The following AP2B1 variants were observed in gnomAD, a reference collection of about 807,000 sequenced individuals.
The protein encoded by AP2B1 is AP-2 complex subunit beta.
AP2B1 carries 23 observed loss-of-function variants against 102.0 expected under a neutral mutation model. The observed-to-expected ratio is 0.23, with a 90% CI of 0.16 to 0.32. AP2B1 has a LOEUF of 0.32. Ranked by LOEUF, AP2B1 falls within the 10% of genes least tolerant of loss-of-function variation. AP2B1 has a pLI of 1.00. For missense variants in AP2B1, 541 were observed against 1,157.4 expected (o/e 0.47, Z 7.73); for synonymous variants, 381 against 421.2 (o/e 0.90, Z 1.17).
intron 14 of AP2B1, among the ~76,000 whole-genome samples, chr17:35,661,876 C>T (rs1199772639): frequency 6.6e-6 from 1 of 152,160 alleles, no homozygotes; most frequent in African/African-American, 2.4e-5. Context: ...GTGACCTTTT[C>T]TTATTAGGTT....
At position 35,608,138 on chromosome 17, in the gene AP2B1, G is replaced by T. The variant is rs763923220; in HGVS notation, c.280-4G>T. The T allele has an allele frequency of 1.2e-5, 19 of 1,612,594 alleles. No homozygotes were observed. The Admixed American group carries it at 2.8e-4, about 24-fold the overall frequency. ...CTACAGTTGTTGGTGATTGTTTTCTGCAGGACTGTGAAGATCCTAATCCTT... is the reference window on the plus strand; with the variant it reads ...CTACAGTTGTTGGTGATTGTTTTCTTCAGGACTGTGAAGATCCTAATCCTT... On this transcript the variant is annotated splice_region_variant and splice_polypyrimidine_tract_variant and intron_variant, in intron 4 of 21. Coordinates refer to ENST00000610402, the MANE Select transcript of AP2B1 (RefSeq NM_001030006.2).
At chr17:35,599,930 AC>A (rs1266468360) in intron 3 of AP2B1, among the ~76,000 whole-genome samples, 2 of 152,138 alleles carry the variant, frequency 1.3e-5, no homozygotes, top group Non-Finnish European at 2.9e-5. Flanking sequence ...AAACAAAAAA[AC>A]AAAATAGAAT....
intron 21 of AP2B1, among the ~76,000 whole-genome samples, chr17:35,719,525 C>T (rs1293792433): frequency 6.6e-6 from 1 of 152,216 alleles, no homozygotes; most frequent in Non-Finnish European, 1.5e-5. Flanking sequence ...ACACATAATA[C>T]TCATAACATT....
intron 18 of AP2B1, among the ~76,000 whole-genome samples, chr17:35,704,075 CCAA>C (rs1185060076): frequency 6.6e-6 from 1 of 152,142 alleles, no homozygotes; most frequent in Non-Finnish European, 1.5e-5. Flanking sequence ...CTGTCTCCCT[CCAA>C]CAACAATATC....
intron 10 of AP2B1, among the ~76,000 whole-genome samples, chr17:35,637,745 G>C (rs2074650348): frequency 6.8e-6 from 1 of 146,684 alleles, no homozygotes; most frequent in Non-Finnish European, 1.5e-5. Flanking sequence ...GAGTGCAGTA[G>C]CGTGATCTCA....
chr17:35,642,053 A>G (rs543521328), intron 12 of AP2B1, 78 bp downstream of exon 12: 1 of 1,072,706 alleles, frequency 9.3e-7, no homozygotes, highest in South Asian at 1.4e-5. Flanking sequence ...TTCCTAGGGG[A>G]TTCATTTGGG....
chr17:35,617,352 G>A (rs896499402), intron 5 of AP2B1, among the ~76,000 whole-genome samples: 10 of 152,144 alleles, frequency 6.6e-5, no homozygotes, highest in African/African-American at 2.4e-4. Context: ...GAGCCACCAT[G>A]CCCAGCAGAA....
intron 13 of AP2B1, among the ~76,000 whole-genome samples, chr17:35,655,036 G>A (rs547647538): frequency 6.6e-6 from 1 of 151,948 alleles, no homozygotes; most frequent in African/African-American, 2.4e-5. Flanking sequence ...TACCTGTGTT[G>A]GATTAACAGT....
chr17:35,663,605 G>T (rs926514813), intron 14 of AP2B1, among the ~76,000 whole-genome samples: 1 of 152,240 alleles, frequency 6.6e-6, no homozygotes, highest in African/African-American at 2.4e-5. Context: ...ACAGCAGAGT[G>T]CAGGGTGCAT....
At chr17:35,646,196 A>G (rs1598160487) in intron 12 of AP2B1, among the ~76,000 whole-genome samples, 3 of 152,256 alleles carry the variant, frequency 2.0e-5, no homozygotes, top group South Asian at 4.1e-4. Context: ...CTAGCAGTAC[A>G]GTAGATCCAA....
chr17:35,640,439 T>C (rs749082600), intron 11 of AP2B1, among the ~76,000 whole-genome samples: 8 of 152,066 alleles, frequency 5.3e-5, no homozygotes, highest in East Asian at 1.9e-4. Context: ...GGTTTCACCA[T>C]GTTGGCCAGG....
At chr17:35,588,250 G>GA (rs1457882648) in intron 1 of AP2B1, among the ~76,000 whole-genome samples, 64 of 137,914 alleles carry the variant, frequency 4.6e-4, no homozygotes, top group African/African-American at 1.6e-3. Context: ...GGTGGGGGGG[G>GA]ACAGGCCTTT....
chr17:35,713,952 A>G (rs1555588749), intron 20 of AP2B1, among the ~76,000 whole-genome samples: 1 of 152,222 alleles, frequency 6.6e-6, no homozygotes, highest in African/African-American at 2.4e-5. Flanking sequence ...TTACCATTAC[A>G]GCTGCATTTG....
intron 16 of AP2B1, among the ~76,000 whole-genome samples, chr17:35,673,109 AC>A (rs1473134864): frequency 6.6e-6 from 1 of 151,234 alleles, no homozygotes. Context: ...ACCACCTGCC[AC>A]TCTTTTAGTA....
chr17:35,636,494 C>T, intron 10 of AP2B1, 38 bp downstream of exon 10: 1 of 1,516,294 alleles, frequency 6.6e-7, no homozygotes, highest in Non-Finnish European at 9.1e-7. Context: ...TCTCAAATTA[C>T]TTAGGAAATG....
At chr17:35,608,418 A>G (rs747414880) in intron 5 of AP2B1, 31 bp downstream of exon 5, 1 of 1,611,712 alleles carries the variant, frequency 6.2e-7, no homozygotes, top group Non-Finnish European at 8.5e-7. Context: ...CAAAGAGAGC[A>G]GTATTTAAAA....
At chr17:35,611,292 T>C (rs2073855995) in intron 5 of AP2B1, among the ~76,000 whole-genome samples, 1 of 152,188 alleles carries the variant, frequency 6.6e-6, no homozygotes, top group African/African-American at 2.4e-5. Context: ...GGAAACTTAT[T>C]AAATATTCAG....
chr17:35,649,595 A>G (rs1389017787), intron 12 of AP2B1, among the ~76,000 whole-genome samples: 1 of 152,090 alleles, frequency 6.6e-6, no homozygotes, highest in Non-Finnish European at 1.5e-5. Context: ...TTTATGTCCT[A>G]AGGCCGTCTC....
chr17:35,592,182 C>T (rs1201509907), intron 1 of AP2B1, among the ~76,000 whole-genome samples: 1 of 151,894 alleles, frequency 6.6e-6, no homozygotes, highest in African/African-American at 2.4e-5. Flanking sequence ...TCTCCTAGAT[C>T]CATATTTACT....
Sources: gnomAD v4.1 joint callset for allele counts (sites outside exome capture counted in the v4.1 genomes callset) on GRCh38, gnomAD v4.1.1 for gene constraint, MANE v1.5 for transcripts, NCBI Gene and HGNC (gene_info 2026-07-23, HGNC 2026-07-21) for gene names.